The following PIK3C2G variants were observed in gnomAD, a reference collection of about 807,000 sequenced individuals.
The protein encoded by PIK3C2G is phosphatidylinositol 3-kinase C2 domain-containing subunit gamma.
PIK3C2G carries 168 observed loss-of-function variants against 181.1 expected under a neutral mutation model. The ratio of observed to expected loss-of-function variants is 0.93; its 90% CI spans 0.82 to 1.05. PIK3C2G has a LOEUF of 1.05. Ranked by LOEUF, PIK3C2G falls within the 50% of genes least tolerant of loss-of-function variation. The probability of loss-of-function intolerance (pLI) is 0.00; values close to 1 mark genes in which losing one functional copy is unlikely to be tolerated. For synonymous variants in PIK3C2G, 573 were observed against 592.2 expected, an observed-to-expected ratio of 0.97 and a Z score of 0.47; for missense variants, 1,869 against 1,732.8, an observed-to-expected ratio of 1.08 and a Z score of -1.40.
At chr12:18,703,019 A>ATTAAATT in the PIK3C2G span, among the ~76,000 whole-genome samples, 1 of 151,992 alleles carries the variant, frequency 6.6e-6, no homozygotes, top group African/African-American at 2.4e-5. Flanking sequence ...TTTAATATGG[A>ATTAAATT]GCTAAAATTT....
chr12:18,700,159 C>A, the PIK3C2G span, among the ~76,000 whole-genome samples: 1 of 151,894 alleles, frequency 6.6e-6, no homozygotes, highest in Non-Finnish European at 1.5e-5. Context: ...ATTTAAAAAT[C>A]ATGATTAATG....
chr12:18,259,757 T>C (rs1374322283), upstream of PIK3C2G, among the ~76,000 whole-genome samples: 1 of 152,008 alleles, frequency 6.6e-6, no homozygotes, highest in Non-Finnish European at 1.5e-5. Context: ...CACGTAAACA[T>C]TGATTTTTAA....
At chr12:18,301,264 G>T (rs1020489175) in intron 5 of PIK3C2G, among the ~76,000 whole-genome samples, 1 of 152,056 alleles carries the variant, frequency 6.6e-6, no homozygotes, top group African/African-American at 2.4e-5. Context: ...GCAAAACTTG[G>T]GAAGTTTTCA....
At chr12:18,716,158 T>A in the PIK3C2G span, among the ~76,000 whole-genome samples, 1 of 152,224 alleles carries the variant, frequency 6.6e-6, no homozygotes, top group Non-Finnish European at 1.5e-5. Context: ...TATTTGATTA[T>A]GACGGTAAAT....
At chr12:18,527,689 A>C (rs116281042) in intron 24 of PIK3C2G, among the ~76,000 whole-genome samples, 4,022 of 152,192 alleles carry the variant, frequency 0.026, 61 homozygotes, top group Middle Eastern at 0.065. Context: ...GAAAAAAAAA[A>C]AGTGGGCAGT....
At chr12:18,540,790 C>T (rs1565489866) in intron 25 of PIK3C2G, among the ~76,000 whole-genome samples, 1 of 151,852 alleles carries the variant, frequency 6.6e-6, no homozygotes, top group African/African-American at 2.4e-5. Context: ...TAGGCTCTCA[C>T]AGAAATTGAA....
the PIK3C2G span, among the ~76,000 whole-genome samples, chr12:18,668,076 T>C: frequency 6.6e-6 from 1 of 152,228 alleles, no homozygotes; most frequent in Non-Finnish European, 1.5e-5. Flanking sequence ...CCACTTAGCG[T>C]AATTATACTA....
At chr12:18,601,885 T>C (rs1947736765) in intron 30 of PIK3C2G, among the ~76,000 whole-genome samples, 1 of 152,092 alleles carries the variant, frequency 6.6e-6, no homozygotes, top group African/African-American at 2.4e-5. Context: ...AGAAAGGCCC[T>C]GTGAGCTCGC....
chr12:18,679,433 T>C, the PIK3C2G span, among the ~76,000 whole-genome samples: 2 of 152,000 alleles, frequency 1.3e-5, no homozygotes, highest in Admixed American at 6.6e-5. Flanking sequence ...GCTTTTTCAT[T>C]TAGGTTTATG....
chr12:18,266,058 A>C (rs1044355889), intron 1 of PIK3C2G, among the ~76,000 whole-genome samples: 1 of 149,962 alleles, frequency 6.7e-6, no homozygotes, highest in Non-Finnish European at 1.5e-5. Flanking sequence ...GCAATAGAAA[A>C]TTTATATTTG....
downstream of PIK3C2G, among the ~76,000 whole-genome samples, chr12:18,651,019 A>G (rs1310168742): frequency 1.3e-5 from 2 of 151,804 alleles, no homozygotes; most frequent in African/African-American, 2.4e-5. Context: ...GGGGCTTCTA[A>G]TCTCAGAGTA....
chr12:18,384,168 T>C (rs1459040664), intron 14 of PIK3C2G, among the ~76,000 whole-genome samples: 3 of 151,862 alleles, frequency 2.0e-5, no homozygotes, highest in African/African-American at 2.4e-5. Context: ...TTAAGGATCA[T>C]AGGGCCAAAA....
Position 18,399,816 on chromosome 12 carries a change from C to T in PIK3C2G, c.2284C>T (p.Pro762Ser). The change falls in exon 16 of 33, where the codon CCT (proline) becomes TCT (serine). Residue 762 changes from proline to serine, a missense_variant. By Grantham distance (74) the Pro-to-Ser change is moderately conservative (BLOSUM62 -1). Coordinates refer to ENST00000538779, the MANE Select transcript of PIK3C2G (RefSeq NM_001288772.2). The part of the protein sequence containing the change: ...TILRRWTFSQ[P>S]LEALGLLTSS... ...TTTGAGAAGATGGACATTTTCTCAA[C>T]CTTTAGAGGCTCTTGGGCTTTTGAC... The T allele has an allele frequency of 6.3e-7, 1 of 1,598,908 alleles. No homozygotes were observed. Among genetic ancestry groups the T allele is most frequent in the East Asian group, 2.2e-5 (1 of 44,724 alleles).
At chr12:18,594,984 CTTTT>C (rs1238552976) in intron 30 of PIK3C2G, among the ~76,000 whole-genome samples, 1 of 151,928 alleles carries the variant, frequency 6.6e-6, no homozygotes, top group Non-Finnish European at 1.5e-5. Flanking sequence ...TGGTTGAGAA[CTTTT>C]TTTATTTCTT....
intron 18 of PIK3C2G, among the ~76,000 whole-genome samples, chr12:18,452,992 G>T (rs1452910909): frequency 6.6e-6 from 1 of 152,088 alleles, no homozygotes; most frequent in Admixed American, 6.6e-5. Flanking sequence ...CAATTATGTG[G>T]TCTATTTTAG....
chr12:18,381,477 G>A lies in PIK3C2G; in HGVS notation c.1881-289G>A, dbSNP rs192295396. On this transcript the variant is annotated intron_variant, in intron 13 of 32. Coordinates refer to ENST00000538779, the MANE Select transcript of PIK3C2G (RefSeq NM_001288772.2). Reference sequence around the variant, plus strand: ...GTCCCACTTTATAATCACCATTGATGGCAATTAAAAATAAATGCTACCCAT... The same window carrying A: ...GTCCCACTTTATAATCACCATTGATAGCAATTAAAAATAAATGCTACCCAT... 1.6e-3 allele frequency among the ~76,000 whole-genome samples: 241 copies of A among 152,040 alleles called. 1 individual carries two copies. Among genetic ancestry groups the A allele is most frequent in the African/African-American group, 5.5e-3 (227 of 41,466 alleles).
At chr12:18,427,004 G>C (rs867689998) in intron 18 of PIK3C2G, among the ~76,000 whole-genome samples, 14 of 152,240 alleles carry the variant, frequency 9.2e-5, no homozygotes, top group Middle Eastern at 3.4e-3. Flanking sequence ...GCAAAGGAAA[G>C]TTAAGTGGAT....
intron 1 of PIK3C2G, among the ~76,000 whole-genome samples, chr12:18,266,075 G>A (rs1591779088): frequency 7.3e-6 from 1 of 136,370 alleles, no homozygotes; most frequent in East Asian, 2.3e-4. Context: ...TTTGCATAAT[G>A]TTCTTAATCC....
chr12:18,547,977 C>T (rs1592551515), intron 26 of PIK3C2G, among the ~76,000 whole-genome samples: 3 of 151,894 alleles, frequency 2.0e-5, no homozygotes, highest in African/African-American at 7.2e-5. Context: ...AGAAGGGCAG[C>T]GTCACAGAGT....
Sources: gnomAD v4.1 joint callset for allele counts (sites outside exome capture counted in the v4.1 genomes callset) on GRCh38, gnomAD v4.1.1 for gene constraint, MANE v1.5 for transcripts, NCBI Gene and HGNC (gene_info 2026-07-23, HGNC 2026-07-21) for gene names.